NRXN1: variants seen among roughly 807,000 people sequenced by gnomAD.
The protein encoded by NRXN1 is neurexin 1.
Under a neutral mutation model 150.9 loss-of-function variants are expected in NRXN1, and 39 were observed. The ratio of observed to expected loss-of-function variants is 0.26; its 90% CI spans 0.20 to 0.34. The LOEUF is 0.34. NRXN1 is among the 10% of genes least tolerant of loss of function. NRXN1 has a pLI of 1.00. For missense variants in NRXN1, 1,815 were observed against 1,949.9 expected, an observed-to-expected ratio of 0.93 and a Z score of 1.30; for synonymous variants, 924 against 757.0, an observed-to-expected ratio of 1.22 and a Z score of -3.62.
chr2:50,599,037 G>C (rs1409939686), intron 8 of NRXN1, among the ~76,000 whole-genome samples: 1 of 152,046 alleles, frequency 6.6e-6, no homozygotes, highest in African/African-American at 2.4e-5. Context: ...CTCCCAAAGT[G>C]CTAGGATTAC....
chr2:49,936,585 A>G (rs542678217), intron 22 of NRXN1, among the ~76,000 whole-genome samples: 2 of 152,284 alleles, frequency 1.3e-5, no homozygotes, highest in East Asian at 3.9e-4. Context: ...CAAGACCAGG[A>G]AAGGGCTGCG....
At chr2:50,230,568 A>G (rs2064844310) in intron 18 of NRXN1, among the ~76,000 whole-genome samples, 2 of 152,084 alleles carry the variant, frequency 1.3e-5, no homozygotes, top group African/African-American at 4.8e-5. Context: ...TGAGAAAGTG[A>G]GGCAGCAGTA....
intron 19 of NRXN1, among the ~76,000 whole-genome samples, chr2:50,074,327 C>G (rs1373176287): frequency 1.3e-5 from 2 of 152,010 alleles, no homozygotes; most frequent in African/African-American, 2.4e-5. Context: ...CTCACGAAAT[C>G]TTGCTTTCTT....
intron 5 of NRXN1, among the ~76,000 whole-genome samples, chr2:50,707,561 C>A (rs1373294936): frequency 2.0e-5 from 3 of 152,090 alleles, no homozygotes; most frequent in Admixed American, 6.6e-5. Flanking sequence ...TTTATCATTT[C>A]AAAACTTGAG....
At chr2:49,962,556 A>G (rs1194900667) in intron 21 of NRXN1, among the ~76,000 whole-genome samples, 1 of 152,052 alleles carries the variant, frequency 6.6e-6, no homozygotes, top group Admixed American at 6.6e-5. Flanking sequence ...GGGGCAAATC[A>G]CTCCTCATCC....
At chr2:50,321,207 C>G (rs189837493) in intron 17 of NRXN1, among the ~76,000 whole-genome samples, 4 of 152,240 alleles carry the variant, frequency 2.6e-5, no homozygotes, top group Admixed American at 6.5e-5. Flanking sequence ...AAAAACCAGA[C>G]TAAGTATCCT....
intron 18 of NRXN1, among the ~76,000 whole-genome samples, chr2:50,160,894 T>C (rs2059325323): frequency 6.6e-6 from 1 of 152,150 alleles, no homozygotes; most frequent in East Asian, 1.9e-4. Flanking sequence ...ACATATCTTT[T>C]TTTTAGAAAC....
rs760340224 is a variant in NRXN1 at position 51,028,121 on chromosome 2, C to T, written c.153G>A (p.Glu51=). 1.2e-5 allele frequency: 19 copies of T among 1,571,770 alleles called. No homozygotes were observed. Among genetic ancestry groups the T allele is most frequent in the South Asian group, 5.7e-5 (5 of 87,772 alleles). ...TCTTGAGCTGGAAGCTCATCTCGCT[C>T]TCGCAGCAGGCGTTCCACTTGGGGA... ...TRFPKWNACC[E]SEMSFQLKTR... The change falls in exon 2 of 23, where the codon GAG becomes GAA. Residue 51 remains glutamate, a synonymous_variant. Transcript: ENST00000401669.
chr2:50,169,819 G>A (rs973003916), intron 18 of NRXN1, among the ~76,000 whole-genome samples: 3 of 151,608 alleles, frequency 2.0e-5, no homozygotes, highest in Admixed American at 6.6e-5. Flanking sequence ...CAAAAAGGTT[G>A]AAACAAAGCA....
intron 21 of NRXN1, among the ~76,000 whole-genome samples, chr2:50,031,010 G>T (rs1468392355): frequency 1.3e-5 from 2 of 151,970 alleles, no homozygotes; most frequent in East Asian, 1.9e-4. Context: ...GACAAAAAAG[G>T]GTTCCTGGCT....
At chr2:50,058,850 T>C (rs980347106) in intron 19 of NRXN1, among the ~76,000 whole-genome samples, 1 of 152,178 alleles carries the variant, frequency 6.6e-6, no homozygotes, top group Non-Finnish European at 1.5e-5. Context: ...ATGACTTTGC[T>C]CCTCCTTCAC....
chr2:50,560,924 A>T (rs1668980807), intron 8 of NRXN1, among the ~76,000 whole-genome samples: 1 of 152,228 alleles, frequency 6.6e-6, no homozygotes, highest in South Asian at 2.1e-4. Flanking sequence ...ATCAAACTAC[A>T]GTAATATAAT....
At chr2:50,636,423 T>A (rs1303988174) in intron 5 of NRXN1, among the ~76,000 whole-genome samples, 1 of 152,142 alleles carries the variant, frequency 6.6e-6, no homozygotes, top group Admixed American at 6.5e-5. Flanking sequence ...TGATCTCCAA[T>A]GTTTCTTTCC....
chr2:50,073,979 A>T (rs1322668102), intron 19 of NRXN1, among the ~76,000 whole-genome samples: 1 of 152,124 alleles, frequency 6.6e-6, no homozygotes, highest in Non-Finnish European at 1.5e-5. Context: ...TTTTGTTTGC[A>T]CATTTTTTAA....
rs191276892 is a variant in NRXN1, at chr2:50,496,871, A to T, written c.2879+462T>A. 2.5e-3 allele frequency among the ~76,000 whole-genome samples: 375 copies of T among 152,354 alleles called. 3 individuals are homozygous for T. The highest frequency in any genetic ancestry group is 3.3e-3 in the Non-Finnish European group (224 of 68,036). On this transcript the variant is annotated intron_variant, in intron 14 of 22. Coordinates refer to ENST00000401669, the MANE Select transcript of NRXN1 (RefSeq NM_001330078.2). ...CCTCACAGTTTTAAGGCACGTTTACACAAATCTTCCTTTCTAAATTCTCTA... is the reference window on the plus strand; with the variant it reads ...CCTCACAGTTTTAAGGCACGTTTACTCAAATCTTCCTTTCTAAATTCTCTA...
chr2:50,802,168 C>T lies in NRXN1; in HGVS notation c.832+119701G>A, dbSNP rs538918269. 2.6e-5 allele frequency among the ~76,000 whole-genome samples: 4 copies of T among 152,224 alleles called. No individual in the cohort carries two copies. In the East Asian group the frequency reaches 7.7e-4, roughly 29 times the overall value. ...AAAAGGATACACTGATGTCCTAACC[C>T]TCAGTGCCTCAGAATGTGAACTTAT... On this transcript the variant is annotated intron_variant, in intron 5 of 22. Transcript: ENST00000401669.
At chr2:50,596,233 G>T (rs1675176067) in intron 8 of NRXN1, among the ~76,000 whole-genome samples, 1 of 152,072 alleles carries the variant, frequency 6.6e-6, no homozygotes, top group African/African-American at 2.4e-5. Flanking sequence ...TACAATCTGA[G>T]TTCTTTGGAT....
At chr2:50,571,760 G>A (rs1036084009) in intron 8 of NRXN1, among the ~76,000 whole-genome samples, 1 of 152,048 alleles carries the variant, frequency 6.6e-6, no homozygotes, top group African/African-American at 2.4e-5. Context: ...AATGCCTCAA[G>A]GGAAGTTCCT....
At chr2:50,222,063 A>G (rs1370103345) in intron 18 of NRXN1, among the ~76,000 whole-genome samples, 2 of 152,000 alleles carry the variant, frequency 1.3e-5, no homozygotes, top group Admixed American at 1.3e-4. Context: ...GAATTATGGA[A>G]TGTGTAGAAG....
Sources: allele counts gnomAD v4.1 joint callset (sites outside exome capture counted in the v4.1 genomes callset), GRCh38; gene constraint gnomAD v4.1.1; transcripts MANE v1.5; gene names NCBI Gene and HGNC (gene_info 2026-07-23, HGNC 2026-07-21).